The following NKIRAS1 variants were observed in gnomAD, a reference collection of about 807,000 sequenced individuals.
NKIRAS1 encodes the protein NFKB inhibitor interacting Ras like 1.
Under a neutral mutation model 19.8 loss-of-function variants are expected in NKIRAS1, and 16 were observed. The ratio of observed to expected loss-of-function variants is 0.81; its 90% confidence interval spans 0.55 to 1.23. The LOEUF (loss-of-function observed/expected upper bound fraction) is 1.23. NKIRAS1 is among the 50% of genes most tolerant of loss of function. The pLI, the probability that NKIRAS1 is intolerant of heterozygous loss-of-function variation, is 0.00. For synonymous variants in NKIRAS1, 88 were observed against 79.0 expected (o/e 1.11, Z -0.61); for missense variants, 184 against 220.0 (o/e 0.84, Z 1.04).
chr3:23,901,090 G>A lies in NKIRAS1; in HGVS notation c.95-41C>T, dbSNP rs540910511. 18 of 1,603,852 alleles carry A rather than the reference G, an allele frequency of 1.1e-5. No homozygotes were observed. The South Asian group carries it at 2.0e-4, about 18-fold the overall frequency. Reference sequence around the variant, plus strand: ...CAAATTACTCTTTTTGGCTAAGTCAGTGTCAACTGCTCCGTATTTTCTTGT... The same window carrying A: ...CAAATTACTCTTTTTGGCTAAGTCAATGTCAACTGCTCCGTATTTTCTTGT... On this transcript the variant is annotated intron_variant, in intron 3 of 4. Transcript: ENST00000425478.
At chr3:23,894,243 C>T (rs989322934) in intron 4 of NKIRAS1, among the ~76,000 whole-genome samples, 2 of 152,146 alleles carry the variant, frequency 1.3e-5, no homozygotes, top group African/African-American at 2.4e-5. Flanking sequence ...AGATAGTGCC[C>T]GTAAAGATTA....
At chr3:23,894,130 T>C (rs941430787) in intron 4 of NKIRAS1, among the ~76,000 whole-genome samples, 3 of 152,096 alleles carry the variant, frequency 2.0e-5, no homozygotes, top group African/African-American at 7.2e-5. Context: ...TATGTGCCAA[T>C]AGGAACATTT....
chr3:23,944,295 C>T (rs558853440), intron 1 of NKIRAS1, among the ~76,000 whole-genome samples: 5 of 152,264 alleles, frequency 3.3e-5, no homozygotes, highest in African/African-American at 7.2e-5. Flanking sequence ...GTAAATATGT[C>T]TTCCACGTGA....
chr3:23,920,713 G>C, upstream of NKIRAS1: 2 of 984,598 alleles, frequency 2.0e-6, no homozygotes, highest in Non-Finnish European at 2.4e-6. Flanking sequence ...TTTCCAGGAA[G>C]TACTCATAGC....
chr3:23,907,189 C>T (rs572193741), intron 3 of NKIRAS1, among the ~76,000 whole-genome samples: 3 of 152,318 alleles, frequency 2.0e-5, no homozygotes, highest in Non-Finnish European at 2.9e-5. Flanking sequence ...CCACCACACC[C>T]GGCTTCTTCC....
intron 1 of NKIRAS1, chr3:23,946,274 C>A (rs545189864): frequency 1.0e-6 from 1 of 985,366 alleles, no homozygotes; most frequent in Non-Finnish European, 1.2e-6. Flanking sequence ...GGCGCGGACC[C>A]CGCGCAAACC....
intron 3 of NKIRAS1, among the ~76,000 whole-genome samples, chr3:23,902,763 A>G (rs1164202976): frequency 6.6e-6 from 1 of 152,198 alleles, no homozygotes; most frequent in East Asian, 1.9e-4. Context: ...CACCAGGGGA[A>G]GGCTTAAGGG....
intron 4 of NKIRAS1, among the ~76,000 whole-genome samples, chr3:23,900,060 G>A (rs1211948428): frequency 1.3e-5 from 2 of 152,164 alleles, no homozygotes; most frequent in Non-Finnish European, 2.9e-5. Flanking sequence ...TACTCAGGAG[G>A]CTGAGGCAGC....
At chr3:23,930,423 C>T (rs1402055615) in intron 1 of NKIRAS1, among the ~76,000 whole-genome samples, 2 of 151,592 alleles carry the variant, frequency 1.3e-5, no homozygotes, top group Non-Finnish European at 2.9e-5. Context: ...GCTTGAAACC[C>T]TCCATTGATT....
intron 1 of NKIRAS1, among the ~76,000 whole-genome samples, chr3:23,928,723 G>C (rs998643398): frequency 1.4e-5 from 2 of 147,692 alleles, no homozygotes; most frequent in South Asian, 2.1e-4. Flanking sequence ...CGGGCGCTGT[G>C]ACTCACACCT....
rs1229567640 is a variant in NKIRAS1 at position 23,927,599 on chromosome 3, T to C, written c.-139-16149A>G. ...ATTTATTGGCAATTCTCATTGTCAT[T>C]TGGAGAGAAGTTCATTATTTGGCAG... On this transcript the variant is annotated intron_variant, in intron 1 of 4. Coordinates refer to the NKIRAS1 transcript ENST00000421515. This position sits in a 1 kb window ranked among gnomAD's most constrained non-coding sequence, Gnocchi z 4.0. 6.6e-6 allele frequency among the ~76,000 whole-genome samples: 1 copy of C among 152,198 alleles called. No individual in the cohort carries two copies. The highest frequency in any genetic ancestry group is 2.4e-5 in the African/African-American group (1 of 41,442).
chr3:23,921,864 C>T, upstream of NKIRAS1: 2 of 487,324 alleles, frequency 4.1e-6, no homozygotes, highest in South Asian at 6.2e-5. Flanking sequence ...CGTGAGCCAC[C>T]ACCCCCAGCC....
intron 4 of NKIRAS1, among the ~76,000 whole-genome samples, chr3:23,900,494 G>A (rs1211683266): frequency 6.6e-6 from 1 of 151,886 alleles, no homozygotes; most frequent in African/African-American, 2.4e-5. Flanking sequence ...AATTAGCCGG[G>A]CATAGTGGCA....
chr3:23,904,445 G>A (rs1702824983), intron 3 of NKIRAS1, among the ~76,000 whole-genome samples: 1 of 152,154 alleles, frequency 6.6e-6, no homozygotes, highest in South Asian at 2.1e-4. Flanking sequence ...GGGCAAGAGA[G>A]CACTCCCTTC....
rs182018560 is a variant in NKIRAS1 at position 23,926,800 on chromosome 3, A to G, written c.-139-15350T>C. On this transcript the variant is annotated intron_variant, in intron 1 of 4. Transcript: ENST00000421515. This position sits in a 1 kb window ranked among gnomAD's most constrained non-coding sequence, Gnocchi z 4.3. ...GACCTTTAGTTTTCCATTTGCTGCAATTTGGCTGCATCTTTTGCCAAACTG... is the reference window on the plus strand; with the variant it reads ...GACCTTTAGTTTTCCATTTGCTGCAGTTTGGCTGCATCTTTTGCCAAACTG... Among the ~76,000 whole-genome samples the G allele has an allele frequency of 7.1e-4, 108 of 152,344 alleles. No individual in the cohort carries two copies. Among genetic ancestry groups the G allele is most frequent in the African/African-American group, 1.4e-3 (58 of 41,588 alleles).
chr3:23,897,896 G>C (rs1232450633), intron 4 of NKIRAS1, among the ~76,000 whole-genome samples: 1 of 152,170 alleles, frequency 6.6e-6, no homozygotes, highest in East Asian at 1.9e-4. Flanking sequence ...CCTGTACCTA[G>C]AACAATGCCT....
chr3:23,925,922 C>T (rs1015001287), intron 1 of NKIRAS1, among the ~76,000 whole-genome samples: 1 of 152,162 alleles, frequency 6.6e-6, no homozygotes, highest in Non-Finnish European at 1.5e-5. Flanking sequence ...AGTCAGTTCT[C>T]CAGTCATATT....
intron 4 of NKIRAS1, among the ~76,000 whole-genome samples, chr3:23,897,538 G>A (rs1173792005): frequency 6.6e-6 from 1 of 152,142 alleles, no homozygotes; most frequent in Non-Finnish European, 1.5e-5. Context: ...CACTAAAAGT[G>A]AAAGGCAAAG....
At chr3:23,937,709 A>G (rs1705420810) in intron 1 of NKIRAS1, among the ~76,000 whole-genome samples, 2 of 152,168 alleles carry the variant, frequency 1.3e-5, no homozygotes, top group Non-Finnish European at 2.9e-5. Context: ...TTTTTAAAAA[A>G]TATCTGTTTA....
Sources: allele counts gnomAD v4.1 joint callset (sites outside exome capture counted in the v4.1 genomes callset), GRCh38; gene constraint gnomAD v4.1.1; non-coding constraint Gnocchi (gnomAD v3.1); transcripts MANE v1.5; gene names NCBI Gene and HGNC (gene_info 2026-07-23, HGNC 2026-07-21).